Variants in EDN1 observed in about 807,000 individuals in gnomAD.
The protein encoded by EDN1 is endothelin-1.
Under a neutral mutation model 21.7 loss-of-function variants are expected in EDN1, and 11 were observed. The observed-to-expected ratio is 0.51, with a 90% CI of 0.32 to 0.84. The LOEUF is 0.84. EDN1 is among the 40% of genes least tolerant of loss of function. The probability of loss-of-function intolerance (pLI) is 0.03; values close to 1 mark genes in which losing one functional copy is unlikely to be tolerated. For missense variants in EDN1, 244 were observed against 262.3 expected (o/e 0.93, Z 0.48); for synonymous variants, 85 against 90.6 (o/e 0.94, Z 0.35).
the EDN1 span, among the ~76,000 whole-genome samples, chr6:12,278,665 G>C: frequency 6.6e-6 from 1 of 152,152 alleles, no homozygotes; most frequent in African/African-American, 2.4e-5. Flanking sequence ...GCCGAGGCGG[G>C]CAGATCACTT....
At position 12,292,525 on chromosome 6, in the gene EDN1, G is replaced by A; in HGVS notation, c.233+16G>A. The A allele has an allele frequency of 6.2e-7, 1 of 1,614,124 alleles. No individual in the cohort carries two copies. Among genetic ancestry groups the A allele is most frequent in the East Asian group, 2.2e-5 (1 of 44,876 alleles). On this transcript the variant is annotated intron_variant, in intron 2 of 4. Transcript: ENST00000379375. Reference sequence around the variant, plus strand: ...ACACTCCCGAGTAAGTCTCTAGAGGGCATTGTAACCCTAGTCATTCATTAG... The same window carrying A: ...ACACTCCCGAGTAAGTCTCTAGAGGACATTGTAACCCTAGTCATTCATTAG...
chr6:12,286,703 T>G (rs1762563321), upstream of EDN1, among the ~76,000 whole-genome samples: 1 of 152,226 alleles, frequency 6.6e-6, no homozygotes, highest in Non-Finnish European at 1.5e-5. Context: ...CTGTGTAGTA[T>G]CTGTATTGGG....
chr6:12,248,614 C>A, the EDN1 span, among the ~76,000 whole-genome samples: 2 of 152,020 alleles, frequency 1.3e-5, no homozygotes, highest in Admixed American at 1.3e-4. Context: ...TTGCAATGAG[C>A]AACTCTTTTA....
chr6:12,233,678 G>A, the EDN1 span, among the ~76,000 whole-genome samples: 1 of 152,154 alleles, frequency 6.6e-6, no homozygotes, highest in African/African-American at 2.4e-5. Context: ...CATCACGCTG[G>A]CATGTTGAAA....
chr6:12,287,673 A>ATC (rs138461160), upstream of EDN1, among the ~76,000 whole-genome samples: 1 of 61,290 alleles, frequency 1.6e-5, no homozygotes, highest in South Asian at 5.6e-4. Context: ...CTCTTCTCCT[A>ATC]TCTCTCTCTC....
chr6:12,240,466 T>C, the EDN1 span, among the ~76,000 whole-genome samples: 1 of 152,214 alleles, frequency 6.6e-6, no homozygotes, highest in Middle Eastern at 3.2e-3. Context: ...GAGAAATGTT[T>C]GTTTATATAA....
the EDN1 span, among the ~76,000 whole-genome samples, chr6:12,261,807 G>C: frequency 1.3e-5 from 2 of 152,204 alleles, no homozygotes; most frequent in African/African-American, 4.8e-5. Flanking sequence ...AGGGTTTCCA[G>C]AAGACATATG....
At chr6:12,260,651 T>A in the EDN1 span, among the ~76,000 whole-genome samples, 1 of 152,254 alleles carries the variant, frequency 6.6e-6, no homozygotes, top group African/African-American at 2.4e-5. Flanking sequence ...AACTCACTAA[T>A]GTTTTACGAT....
the EDN1 span, among the ~76,000 whole-genome samples, chr6:12,283,759 TC>T: frequency 6.6e-6 from 1 of 152,214 alleles, no homozygotes; most frequent in South Asian, 2.1e-4. Flanking sequence ...ATACTCTCTT[TC>T]TCATCATCAT....
chr6:12,287,078 C>G (rs920594574), upstream of EDN1, among the ~76,000 whole-genome samples: 1 of 151,546 alleles, frequency 6.6e-6, no homozygotes, highest in African/African-American at 2.4e-5. Flanking sequence ...AACTGCACCA[C>G]TGCACTCCAG....
the EDN1 span, among the ~76,000 whole-genome samples, chr6:12,261,149 T>C: frequency 6.6e-6 from 1 of 152,192 alleles, no homozygotes; most frequent in East Asian, 1.9e-4. Context: ...GAGTCGTTAG[T>C]AGATTGTGGA....
At chr6:12,252,066 A>G in the EDN1 span, among the ~76,000 whole-genome samples, 11 of 152,202 alleles carry the variant, frequency 7.2e-5, no homozygotes, top group Admixed American at 5.2e-4. Context: ...GCACTTTTGT[A>G]TAAATGTGTA....
At chr6:12,240,523 A>G in the EDN1 span, among the ~76,000 whole-genome samples, 1 of 152,196 alleles carries the variant, frequency 6.6e-6, no homozygotes, top group Non-Finnish European at 1.5e-5. Flanking sequence ...GTATTAGGTA[A>G]CTTACATTTC....
chr6:12,248,380 G>A, the EDN1 span, among the ~76,000 whole-genome samples: 7 of 152,088 alleles, frequency 4.6e-5, no homozygotes, highest in African/African-American at 1.4e-4. Flanking sequence ...CCAGCCTATG[G>A]TATTTATTAT....
At chr6:12,269,867 A>C in the EDN1 span, among the ~76,000 whole-genome samples, 19 of 152,076 alleles carry the variant, frequency 1.2e-4, no homozygotes, top group Non-Finnish European at 2.1e-4. Flanking sequence ...TTTTGGAGTA[A>C]TTTGAAAAGA....
chr6:12,242,971 G>T, the EDN1 span, among the ~76,000 whole-genome samples: 1 of 152,186 alleles, frequency 6.6e-6, no homozygotes. Flanking sequence ...AATTACAGTT[G>T]ACTCTTAGGC....
At chr6:12,287,832 C>G (rs1420688709), upstream of EDN1, among the ~76,000 whole-genome samples, 1 of 151,868 alleles carries the variant, frequency 6.6e-6, no homozygotes, top group Non-Finnish European at 1.5e-5. Flanking sequence ...ATATTTGGCA[C>G]GGTGGGGCCC....
the EDN1 span, among the ~76,000 whole-genome samples, chr6:12,265,279 G>A: frequency 6.6e-5 from 10 of 152,306 alleles, no homozygotes; most frequent in Admixed American, 2.0e-4. Context: ...ATGAAAATAA[G>A]AATCTACCTG....
chr6:12,278,384 T>A, the EDN1 span, among the ~76,000 whole-genome samples: 1 of 152,214 alleles, frequency 6.6e-6, no homozygotes, highest in Non-Finnish European at 1.5e-5. Flanking sequence ...TTTATTGAAC[T>A]GTATCAGCTT....
Sources: gnomAD v4.1 joint callset for allele counts (sites outside exome capture counted in the v4.1 genomes callset) on GRCh38, gnomAD v4.1.1 for gene constraint, MANE v1.5 for transcripts, NCBI Gene and HGNC (gene_info 2026-07-23, HGNC 2026-07-21) for gene names.